PLS1: variants seen among roughly 807,000 people sequenced by gnomAD.
PLS1 encodes plastin 1.
In PLS1, 32 loss-of-function variants were observed where a neutral mutation model predicts 73.7. The ratio of observed to expected loss-of-function variants is 0.43; its 90% CI spans 0.33 to 0.58. The LOEUF (loss-of-function observed/expected upper bound fraction) is 0.58, where lower values mean the gene tolerates loss of function less well. Among genes scored for constraint, PLS1 ranks in the 20% least tolerant of loss-of-function variants. PLS1 has a pLI of 0.04. For synonymous variants in PLS1, 217 were observed against 261.3 expected (o/e 0.83, Z 1.63); for missense variants, 633 against 740.5 (o/e 0.85, Z 1.68).
intron 15 of PLS1, 87 bp downstream of exon 15, chr3:142,711,712 A>G (rs865991858): frequency 7.6e-6 from 10 of 1,312,212 alleles, no homozygotes; most frequent in Middle Eastern, 2.0e-4. Flanking sequence ...CTTAAAATTC[A>G]TATTTTTAAA....
chr3:142,709,660 CA>C (rs1345050062), intron 14 of PLS1, among the ~76,000 whole-genome samples: 1 of 151,988 alleles, frequency 6.6e-6, no homozygotes, highest in Non-Finnish European at 1.5e-5. Context: ...ACTAAAAATA[CA>C]AAAATATCAG....
intron 9 of PLS1, among the ~76,000 whole-genome samples, chr3:142,688,509 C>T (rs1408604958): frequency 3.3e-5 from 5 of 152,174 alleles, no homozygotes; most frequent in Non-Finnish European, 4.4e-5. Flanking sequence ...AAAACTTTGA[C>T]GTGACATTTT....
At chr3:142,655,589 G>T (rs1347651567) in intron 1 of PLS1, among the ~76,000 whole-genome samples, 2 of 151,650 alleles carry the variant, frequency 1.3e-5, no homozygotes, top group East Asian at 3.9e-4. Flanking sequence ...GGGCGTGGTG[G>T]CGGGCGCCTG....
intron 14 of PLS1, among the ~76,000 whole-genome samples, chr3:142,705,080 T>G (rs899470109): frequency 1.3e-5 from 2 of 152,126 alleles, no homozygotes. Context: ...ACTTGAAATA[T>G]TCAGTTTTAA....
intron 12 of PLS1, among the ~76,000 whole-genome samples, chr3:142,700,529 T>C (rs983145648): frequency 6.6e-6 from 1 of 152,182 alleles, no homozygotes; most frequent in Non-Finnish European, 1.5e-5. Flanking sequence ...TTCACCGTGT[T>C]AGCCAGGATG....
Position 142,671,018 on chromosome 3 carries a change from A to G in PLS1, c.260A>G (p.Asp87Gly). 1 of 1,600,210 alleles carries G rather than the reference A, an allele frequency of 6.2e-7. No homozygotes were observed. Among genetic ancestry groups the G allele is most frequent in the Non-Finnish European group, 8.6e-7 (1 of 1,168,766 alleles). The change falls in exon 4 of 16, where the codon GAT (aspartate) becomes GGT (glycine). Residue 87 changes from aspartate to glycine, a missense_variant. Transcript: ENST00000457734. Reference protein sequence around the residue: ...VSLMQELKSKDISKTFRKIIN... With the variant: ...VSLMQELKSKGISKTFRKIIN... ...CTAATGCAAGAATTAAAAAGCAAAG[A>G]TATCAGCAAAACATTCCGAAAAATA...
At chr3:142,679,592 G>C (rs996554402) in intron 6 of PLS1, among the ~76,000 whole-genome samples, 1 of 152,026 alleles carries the variant, frequency 6.6e-6, no homozygotes, top group African/African-American at 2.4e-5. Context: ...GTAGATATGC[G>C]GCGTTATTTC....
intron 1 of PLS1, among the ~76,000 whole-genome samples, chr3:142,647,232 G>T (rs73000186): frequency 0.063 from 9,627 of 152,234 alleles, 442 homozygotes; most frequent in African/African-American, 0.13. Flanking sequence ...TTGCCACTGA[G>T]AAATTAAAAG....
chr3:142,657,164 T>C (rs1281745403), intron 1 of PLS1: 2 of 152,246 alleles, frequency 1.3e-5, no homozygotes, highest in African/African-American at 4.8e-5. Flanking sequence ...CTTGGCTTAG[T>C]CGGCAGATTC....
chr3:142,693,442 A>T (rs993751827), intron 10 of PLS1, among the ~76,000 whole-genome samples: 4 of 152,218 alleles, frequency 2.6e-5, no homozygotes, highest in African/African-American at 7.2e-5. Flanking sequence ...TGAGTCTCAC[A>T]TGGGCCAAAA....
At chr3:142,626,868 G>A (rs1360872604) in intron 1 of PLS1, among the ~76,000 whole-genome samples, 3 of 152,174 alleles carry the variant, frequency 2.0e-5, no homozygotes, top group Non-Finnish European at 2.9e-5. Flanking sequence ...CACTCAACCA[G>A]GCATGTACAA....
chr3:142,689,064 G>C (rs974117703), intron 9 of PLS1, among the ~76,000 whole-genome samples: 2 of 152,080 alleles, frequency 1.3e-5, no homozygotes, highest in Non-Finnish European at 2.9e-5. Context: ...ATTTTGCTGA[G>C]TATTTTAGCA....
chr3:142,676,124 T>C, intron 4 of PLS1, 33 bp from the exon 5 acceptor site: 3 of 1,581,738 alleles, frequency 1.9e-6, no homozygotes, highest in Non-Finnish European at 2.6e-6. Flanking sequence ...GTTTGTGAAA[T>C]GAGATTTGCC....
intron 1 of PLS1, among the ~76,000 whole-genome samples, chr3:142,626,884 A>G (rs2036441536): frequency 6.6e-6 from 1 of 152,256 alleles, no homozygotes; most frequent in South Asian, 2.1e-4. Flanking sequence ...TACAAACTGT[A>G]GAACATCACA....
intron 1 of PLS1, among the ~76,000 whole-genome samples, chr3:142,661,449 T>G (rs962197493): frequency 7.4e-4 from 112 of 152,170 alleles, no homozygotes; most frequent in African/African-American, 2.6e-3. Flanking sequence ...CCAGAAAAAT[T>G]GTAAGAGATA....
intron 10 of PLS1, among the ~76,000 whole-genome samples, chr3:142,694,248 A>C (rs2038145980): frequency 6.6e-6 from 1 of 152,132 alleles, no homozygotes. Flanking sequence ...ATCAAAGGGA[A>C]TCTAGAAGGA....
At chr3:142,664,485 GA>G (rs1157603905) in intron 2 of PLS1, among the ~76,000 whole-genome samples, 178 bp downstream of exon 2, 1 of 152,086 alleles carries the variant, frequency 6.6e-6, no homozygotes, top group East Asian at 1.9e-4. Flanking sequence ...CGACTAGCTT[GA>G]ATTTCTAGGT....
intron 1 of PLS1, among the ~76,000 whole-genome samples, chr3:142,607,349 G>A (rs1305059180): frequency 2.0e-5 from 3 of 152,050 alleles, no homozygotes; most frequent in Admixed American, 6.6e-5. Flanking sequence ...GTGCGATCTC[G>A]GCTCACTGCA....
At position 142,659,787 on chromosome 3, in the gene PLS1, C is replaced by T. The variant is rs572247164; in HGVS notation, c.-36-4415C>T. ...TCTTGGCTCACTGTAACCTCCGCCT[C>T]TTGGGTTGAAGCAATTTTCCTGCCT... On this transcript the variant is annotated intron_variant, in intron 1 of 15. Coordinates refer to ENST00000457734, the MANE Select transcript of PLS1 (RefSeq NM_001145319.2). Among the ~76,000 whole-genome samples, 18 of 151,814 alleles carry T rather than the reference C, an allele frequency of 1.2e-4. No homozygotes were observed. The South Asian group carries it at 3.5e-3, about 30-fold the overall frequency.
Sources: allele counts gnomAD v4.1 joint callset (sites outside exome capture counted in the v4.1 genomes callset), GRCh38; gene constraint gnomAD v4.1.1; transcripts MANE v1.5; gene names NCBI Gene and HGNC (gene_info 2026-07-23, HGNC 2026-07-21).